The following OXR1 variants were observed in gnomAD, a reference collection of about 807,000 sequenced individuals.
OXR1 encodes oxidation resistance protein 1.
Under a neutral mutation model 104.6 loss-of-function variants are expected in OXR1, and 41 were observed. That is an observed-to-expected ratio of 0.39 (90% CI 0.31 to 0.51). The LOEUF (loss-of-function observed/expected upper bound fraction) is 0.51, where lower values mean the gene tolerates loss of function less well. Ranked by LOEUF, OXR1 falls within the 20% of genes least tolerant of loss-of-function variation. The pLI is 0.77. For synonymous variants in OXR1, 348 were observed against 348.4 expected (o/e 1.00, Z 0.01); for missense variants, 955 against 1,031.9 (o/e 0.93, Z 1.02).
intron 2 of OXR1, among the ~76,000 whole-genome samples, chr8:106,396,070 T>TATAA (rs1385942931): frequency 3.3e-5 from 5 of 151,580 alleles, no homozygotes; most frequent in African/African-American, 9.7e-5. Context: ...TTCCTACTTA[T>TATAA]ATAAATACAT....
At chr8:106,668,179 A>G (rs561373137) in intron 3 of OXR1, among the ~76,000 whole-genome samples, 16 of 152,042 alleles carry the variant, frequency 1.1e-4, no homozygotes, top group Non-Finnish European at 1.9e-4. Context: ...CTTTTTTATA[A>G]CTTATTATTG....
In OXR1 at chr8:106,740,401, C is replaced by T; in HGVS notation, c.2222C>T (p.Thr741Ile). ...IGYPWTLVYG[T>I]GKHGTSLKTL... ...TATCCATGGACTCTTGTTTATGGTA[C>T]TGGAAAACATGGCACAAGCTTGAAA... The change falls in exon 14 of 17, where the codon ACT becomes ATT. Residue 741 changes from threonine to isoleucine, a missense_variant. By Grantham distance (89) the Thr-to-Ile change is moderately conservative. Transcript: ENST00000517566. 1 of 1,612,680 alleles carries T rather than the reference C, an allele frequency of 6.2e-7. No individual in the cohort carries two copies. Among genetic ancestry groups the T allele is most frequent in the Non-Finnish European group, 8.5e-7 (1 of 1,179,090 alleles).
chr8:106,285,697 A>G (rs1812467397), intron 1 of OXR1, among the ~76,000 whole-genome samples: 1 of 151,850 alleles, frequency 6.6e-6, no homozygotes, highest in South Asian at 2.1e-4. Context: ...ACTTTCAAAG[A>G]CCCCTTAAAC....
chr8:106,743,866 T>C (rs1156630330), intron 15 of OXR1, among the ~76,000 whole-genome samples: 1 of 152,194 alleles, frequency 6.6e-6, no homozygotes, highest in African/African-American at 2.4e-5. Flanking sequence ...CCATCGATGA[T>C]AGACTGGATA....
At chr8:106,375,017 G>A (rs1037266924) in intron 2 of OXR1, among the ~76,000 whole-genome samples, 1 of 152,182 alleles carries the variant, frequency 6.6e-6, no homozygotes, top group African/African-American at 2.4e-5. Flanking sequence ...CTGATACAAA[G>A]TGCTTTCATG....
chr8:106,377,977 A>C (rs981201961), intron 2 of OXR1, among the ~76,000 whole-genome samples: 7 of 152,198 alleles, frequency 4.6e-5, no homozygotes, highest in African/African-American at 1.7e-4. Flanking sequence ...TTCTATCAGC[A>C]TTAACAGAAG....
In OXR1 at chr8:106,742,284, G is replaced by A. The variant is rs1365105250; in HGVS notation, c.2379G>A (p.Glu793=). 1 of 1,610,126 alleles carries A rather than the reference G, an allele frequency of 6.2e-7. No homozygotes were observed. Among genetic ancestry groups the A allele is most frequent in the African/African-American group, 1.3e-5 (1 of 74,804 alleles). Residue 793 remains glutamate, a synonymous_variant, in exon 15 of 17, where the codon GAG becomes GAA. Coordinates refer to ENST00000517566, the MANE Select transcript of OXR1 (RefSeq NM_001198533.2). ...KVSDGFYGTG[E]TFVFTFCPEF... ...GTGATGGCTTTTATGGTACTGGAGA[G>A]ACCTTTGTTTTTACATTCTGTCCGG...
At chr8:106,485,369 A>G (rs539089994) in intron 2 of OXR1, among the ~76,000 whole-genome samples, 7 of 152,226 alleles carry the variant, frequency 4.6e-5, no homozygotes, top group African/African-American at 1.7e-4. Context: ...AACAAATGTA[A>G]CATTCTTATC....
intron 11 of OXR1, among the ~76,000 whole-genome samples, chr8:106,720,427 T>C (rs1401576779): frequency 6.6e-6 from 1 of 152,190 alleles, no homozygotes; most frequent in African/African-American, 2.4e-5. Context: ...ATATTAAGAC[T>C]GTGGAAGACT....
At chr8:106,426,684 CT>C (rs1405234749) in intron 2 of OXR1, among the ~76,000 whole-genome samples, 1 of 152,104 alleles carries the variant, frequency 6.6e-6, no homozygotes, top group African/African-American at 2.4e-5. Flanking sequence ...TTTTAAAACT[CT>C]TTGTGCCTCA....
chr8:106,744,075 T>C (rs1835176764), intron 15 of OXR1, among the ~76,000 whole-genome samples: 1 of 152,052 alleles, frequency 6.6e-6, no homozygotes, highest in Non-Finnish European at 1.5e-5. Context: ...GAGGAGAGCA[T>C]CAGAAATAAT....
chr8:106,745,451 C>G (rs531976991), intron 15 of OXR1, among the ~76,000 whole-genome samples: 1 of 151,774 alleles, frequency 6.6e-6, no homozygotes, highest in Non-Finnish European at 1.5e-5. Context: ...CATTTGTGTC[C>G]GATTTTTTTT....
intron 1 of OXR1, among the ~76,000 whole-genome samples, chr8:106,288,384 G>A (rs1812585971): frequency 3.9e-5 from 6 of 152,004 alleles, no homozygotes; most frequent in Admixed American, 3.9e-4. Flanking sequence ...AACCACAGAG[G>A]AGCAACATCA....
intron 2 of OXR1, among the ~76,000 whole-genome samples, chr8:106,507,755 C>T (rs958478436): frequency 2.0e-5 from 3 of 152,284 alleles, no homozygotes; most frequent in South Asian, 2.1e-4. Context: ...GAGATCACTT[C>T]GGAGTAAAGC....
chr8:106,723,302 T>G (rs1288775977), intron 11 of OXR1, among the ~76,000 whole-genome samples: 1 of 151,910 alleles, frequency 6.6e-6, no homozygotes, highest in African/African-American at 2.4e-5. Flanking sequence ...CCATCCTCGC[T>G]AACACGGTGA....
At chr8:106,477,169 G>A (rs1821851843) in intron 2 of OXR1, among the ~76,000 whole-genome samples, 1 of 151,798 alleles carries the variant, frequency 6.6e-6, no homozygotes. Context: ...ACTTTATATG[G>A]GTCCTGTGGT....
intron 16 of OXR1, among the ~76,000 whole-genome samples, chr8:106,748,875 T>A (rs1835632160): frequency 6.6e-6 from 1 of 151,810 alleles, no homozygotes; most frequent in Non-Finnish European, 1.5e-5. Flanking sequence ...CGGCCCCAAC[T>A]CTTAAAGGAA....
Position 106,329,637 on chromosome 8 carries a change from G to A in OXR1, c.-138-29839G>A, listed in dbSNP as rs1036565789. ...GCTGGGATCACAGGCGTGAGCCACC[G>A]CGCCCAGCCATCAGTGACACTTTCT... On this transcript the variant is annotated intron_variant, in intron 1 of 16. Transcript: ENST00000517566. Among the ~76,000 whole-genome samples, 9 of 152,272 alleles carry A rather than the reference G, an allele frequency of 5.9e-5. No individual in the cohort carries two copies. The East Asian group carries it at 9.7e-4, about 16-fold the overall frequency.
At chr8:106,477,789 C>T (rs1028145611) in intron 2 of OXR1, among the ~76,000 whole-genome samples, 1 of 151,658 alleles carries the variant, frequency 6.6e-6, no homozygotes, top group African/African-American at 2.4e-5. Flanking sequence ...TAGTGTCTGG[C>T]TTTAATAGTG....
Sources: gnomAD v4.1 joint callset for allele counts (sites outside exome capture counted in the v4.1 genomes callset) on GRCh38, gnomAD v4.1.1 for gene constraint, MANE v1.5 for transcripts, NCBI Gene and HGNC (gene_info 2026-07-23, HGNC 2026-07-21) for gene names.